NOL4: variants seen among roughly 807,000 people sequenced by gnomAD.
NOL4 encodes nucleolar protein 4, also known as cancer/testis antigen 125.
Under a neutral mutation model 75.9 loss-of-function variants are expected in NOL4, and 17 were observed. The observed-to-expected ratio is 0.22, with a 90% CI of 0.15 to 0.34. The LOEUF is 0.34. Among genes scored for constraint, NOL4 ranks in the 10% least tolerant of loss-of-function variants. NOL4 has a pLI of 1.00. For missense variants in NOL4, 614 were observed against 793.5 expected (o/e 0.77, Z 2.72); for synonymous variants, 292 against 289.9 (o/e 1.01, Z -0.07).
intron 10 of NOL4, among the ~76,000 whole-genome samples, chr18:33,874,601 T>C (rs959536175): frequency 6.6e-6 from 1 of 151,900 alleles, no homozygotes; most frequent in Non-Finnish European, 1.5e-5. Flanking sequence ...CAAAAATCCA[T>C]CTTTTGTTTG....
intron 5 of NOL4, among the ~76,000 whole-genome samples, chr18:34,068,517 A>G (rs2077375798): frequency 6.6e-6 from 1 of 152,020 alleles, no homozygotes; most frequent in Non-Finnish European, 1.5e-5. Context: ...CTCCTGCTTC[A>G]GCCTCCTGAG....
In NOL4 at chr18:34,070,570, C is replaced by T. The variant is rs1167489837; in HGVS notation, c.772+22895G>A. On this transcript the variant is annotated intron_variant, in intron 5 of 10. Coordinates refer to ENST00000261592, the MANE Select transcript of NOL4 (RefSeq NM_003787.5). ...AAAGGAACACAATCTTTAAAGTACT[C>T]GGAAAACATGTTCACAGTGTAGAGT... Among the ~76,000 whole-genome samples, 11 of 152,156 alleles carry T rather than the reference C, an allele frequency of 7.2e-5. No homozygotes were observed. In the East Asian group the frequency reaches 1.4e-3, roughly 19 times the overall value.
At chr18:34,186,191 A>G (rs981983805) in intron 1 of NOL4, among the ~76,000 whole-genome samples, 2 of 152,000 alleles carry the variant, frequency 1.3e-5, no homozygotes, top group African/African-American at 4.8e-5. Context: ...GGGTATCTCC[A>G]TTTTCTCCAT....
chr18:34,094,423 G>C (rs2078673871), intron 4 of NOL4, among the ~76,000 whole-genome samples: 1 of 152,038 alleles, frequency 6.6e-6, no homozygotes. Flanking sequence ...GGAGTTCTAG[G>C]TAAAATTGTG....
chr18:33,890,354 A>G (rs2065021273), intron 9 of NOL4, among the ~76,000 whole-genome samples: 1 of 152,142 alleles, frequency 6.6e-6, no homozygotes, highest in African/African-American at 2.4e-5. Context: ...ACTGCAAACC[A>G]CTACTCAACG....
chr18:34,165,528 A>G (rs1457524101), intron 1 of NOL4, among the ~76,000 whole-genome samples: 7 of 152,186 alleles, frequency 4.6e-5, no homozygotes, highest in African/African-American at 1.4e-4. Flanking sequence ...ATGTTTGCAT[A>G]TTGAAGTGCT....
chr18:33,920,332 T>G (rs1470743643), intron 9 of NOL4, among the ~76,000 whole-genome samples: 1 of 152,194 alleles, frequency 6.6e-6, no homozygotes, highest in East Asian at 1.9e-4. Context: ...TAAAATAATG[T>G]GTAAGTAGTT....
chr18:34,126,852 G>C (rs994326077), intron 2 of NOL4, among the ~76,000 whole-genome samples: 1 of 151,908 alleles, frequency 6.6e-6, no homozygotes, highest in African/African-American at 2.4e-5. Flanking sequence ...TATATTTTAA[G>C]TTCAAACATG....
intron 5 of NOL4, among the ~76,000 whole-genome samples, chr18:34,039,385 C>G (rs947814790): frequency 6.6e-6 from 1 of 151,934 alleles, no homozygotes; most frequent in Non-Finnish European, 1.5e-5. Context: ...CATTAATTAG[C>G]AAGCTGAAAG....
intron 9 of NOL4, among the ~76,000 whole-genome samples, chr18:33,913,934 C>T (rs1171359012): frequency 6.6e-6 from 1 of 152,110 alleles, no homozygotes; most frequent in Non-Finnish European, 1.5e-5. Context: ...ATTTATTCTA[C>T]ATATATTTAT....
At chr18:34,147,883 C>A (rs1182117696) in intron 1 of NOL4, among the ~76,000 whole-genome samples, 1 of 152,118 alleles carries the variant, frequency 6.6e-6, no homozygotes, top group Non-Finnish European at 1.5e-5. Flanking sequence ...ATTACTGCCT[C>A]AATTTCAGAA....
In NOL4 at chr18:33,921,946, A is replaced by T. The variant is rs1372496863; in HGVS notation, c.1542+21119T>A. ...TTACTCCACCAATGGCTCCAAAACT[A>T]AATATGTGGCCTATACACTTTCCAT... On this transcript the variant is annotated intron_variant, in intron 9 of 10. Coordinates refer to ENST00000261592, the MANE Select transcript of NOL4 (RefSeq NM_003787.5). Among the ~76,000 whole-genome samples the T allele has an allele frequency of 2.0e-5, 3 of 152,142 alleles. No individual in the cohort carries two copies. The East Asian group carries it at 5.8e-4, about 29-fold the overall frequency.
At chr18:33,931,679 A>T (rs1404126525) in intron 9 of NOL4, among the ~76,000 whole-genome samples, 3 of 151,994 alleles carry the variant, frequency 2.0e-5, no homozygotes, top group African/African-American at 7.2e-5. Context: ...GGCTACAGTG[A>T]GCTCTGATCA....
intron 1 of NOL4, among the ~76,000 whole-genome samples, chr18:34,210,224 A>G (rs543812645): frequency 6.6e-6 from 1 of 152,328 alleles, no homozygotes; most frequent in East Asian, 1.9e-4. Flanking sequence ...TTGCAAGTGT[A>G]TAACCCTTCC....
At chr18:34,033,753 C>T (rs540850780) in intron 5 of NOL4, among the ~76,000 whole-genome samples, 34 of 152,084 alleles carry the variant, frequency 2.2e-4, no homozygotes, top group African/African-American at 7.7e-4. Context: ...ATAGTCAAAC[C>T]AGCTTAAGTC....
chr18:34,048,951 C>G (rs2076505404), intron 5 of NOL4, among the ~76,000 whole-genome samples: 1 of 151,938 alleles, frequency 6.6e-6, no homozygotes, highest in Non-Finnish European at 1.5e-5. Flanking sequence ...ATTTTGCTTA[C>G]TTTTAGATTT....
Position 34,203,707 on chromosome 18 carries a change from TCTCTCTCTCTCA to T in NOL4, c.264+19271_264+19282del, listed in dbSNP as rs2035906973. Among the ~76,000 whole-genome samples the T allele has an allele frequency of 4.8e-5, 5 of 104,810 alleles. No homozygotes were observed. In the South Asian group the frequency reaches 1.8e-3, roughly 39 times the overall value. 68.8% of individuals were successfully genotyped at this position (104,810 alleles called of 152,430 possible). ...CTCCCTCTCTCTCTCTCTCTCTCTC[TCTCTCTCTCTCA>T]CACACACACACACACACACACACAC... On this transcript the variant is annotated intron_variant, in intron 1 of 10. Transcript: ENST00000261592.
At chr18:34,164,791 C>T (rs1365190677) in intron 1 of NOL4, among the ~76,000 whole-genome samples, 48 of 151,554 alleles carry the variant, frequency 3.2e-4, no homozygotes, top group African/African-American at 1.1e-3. Context: ...CACATGCACA[C>T]GTATGTTTAT....
chr18:33,901,348 G>A (rs1338513462), intron 9 of NOL4, among the ~76,000 whole-genome samples: 1 of 152,116 alleles, frequency 6.6e-6, no homozygotes, highest in East Asian at 1.9e-4. Context: ...TTACTTAGAT[G>A]AACCCTGATG....
Sources: allele counts gnomAD v4.1 joint callset (sites outside exome capture counted in the v4.1 genomes callset), GRCh38; gene constraint gnomAD v4.1.1; transcripts MANE v1.5; gene names NCBI Gene and HGNC (gene_info 2026-07-23, HGNC 2026-07-21).